TLK1: variants seen among roughly 807,000 people sequenced by gnomAD.
The protein encoded by TLK1 is serine/threonine-protein kinase tousled-like 1.
In TLK1, 24 loss-of-function variants were observed where a neutral mutation model predicts 105.3. The ratio of observed to expected loss-of-function variants is 0.23; its 90% CI spans 0.17 to 0.32. The LOEUF (loss-of-function observed/expected upper bound fraction) is 0.32, where lower values mean the gene tolerates loss of function less well. Among genes scored for constraint, TLK1 ranks in the 10% least tolerant of loss-of-function variants. The pLI, the probability that TLK1 is intolerant of heterozygous loss-of-function variation, is 1.00. For missense variants in TLK1, 558 were observed against 910.5 expected (o/e 0.61, Z 4.98); for synonymous variants, 321 against 310.4 (o/e 1.03, Z -0.36).
chr2:171,199,711 A>G (rs569298676), intron 1 of TLK1, among the ~76,000 whole-genome samples: 29 of 152,300 alleles, frequency 1.9e-4, no homozygotes, highest in African/African-American at 6.7e-4. Context: ...AAACTTTTCA[A>G]TTATGGAGGA....
intron 18 of TLK1, among the ~76,000 whole-genome samples, chr2:170,998,778 A>AT (rs1327332294): frequency 6.6e-6 from 1 of 151,958 alleles, no homozygotes; most frequent in South Asian, 2.1e-4. Context: ...TAAGTTCATA[A>AT]TTTTTTTTGA....
Position 171,215,814 on chromosome 2 carries a change from G to T in TLK1, c.-6+15331C>A, listed in dbSNP as rs528402829. On this transcript the variant is annotated intron_variant, in intron 1 of 20. Transcript: ENST00000521943. ...GGAAGTTCGGTTCCTCTTAGAAGGAGGCCCCAGCGGGTACATGCACGCGGT... is the reference window on the plus strand; with the variant it reads ...GGAAGTTCGGTTCCTCTTAGAAGGATGCCCCAGCGGGTACATGCACGCGGT... Among the ~76,000 whole-genome samples, 24 of 152,290 alleles carry T rather than the reference G, an allele frequency of 1.6e-4. 1 individual carries two copies. In the South Asian group the frequency reaches 4.6e-3, roughly 29 times the overall value.
intron 1 of TLK1, among the ~76,000 whole-genome samples, chr2:171,148,400 T>A (rs542143586): frequency 1.3e-4 from 19 of 151,890 alleles, no homozygotes; most frequent in African/African-American, 4.6e-4. Flanking sequence ...TTCAATCACT[T>A]CTCATCTGCG....
rs563309712 is a variant in TLK1, at chr2:171,044,410, G to A, written c.1169+1764C>T. ...TGTGTGTGTAAAGACAGACTGAATC[G>A]GAAAGATAACAGTAAATACAAGGTT... On this transcript the variant is annotated intron_variant, in intron 11 of 20. Transcript: ENST00000431350. Among the ~76,000 whole-genome samples the A allele has an allele frequency of 2.6e-5, 4 of 152,234 alleles. No homozygotes were observed. The South Asian group carries it at 6.2e-4, about 24-fold the overall frequency.
intron 1 of TLK1, among the ~76,000 whole-genome samples, chr2:171,173,224 A>G (rs879580975): frequency 6.6e-6 from 1 of 152,234 alleles, no homozygotes; most frequent in African/African-American, 2.4e-5. Context: ...TATTATTATA[A>G]CTAAGGAAAT....
intron 1 of TLK1, among the ~76,000 whole-genome samples, chr2:171,191,862 G>A (rs1458370211): frequency 6.6e-6 from 1 of 152,058 alleles, no homozygotes; most frequent in Admixed American, 6.5e-5. Flanking sequence ...ATTCTTTGAT[G>A]TAATAAATTG....
chr2:171,020,548 G>C (rs1275914952), intron 12 of TLK1, among the ~76,000 whole-genome samples: 1 of 143,668 alleles, frequency 7.0e-6, no homozygotes, highest in Non-Finnish European at 1.5e-5. Context: ...AAAAAAAAAA[G>C]AAAAAAAGAA....
chr2:171,221,664 G>A (rs1693812443), intron 1 of TLK1, among the ~76,000 whole-genome samples: 2 of 152,134 alleles, frequency 1.3e-5, no homozygotes, highest in African/African-American at 4.8e-5. Flanking sequence ...CACAGTTCTA[G>A]GGGCTGGAAA....
At chr2:171,030,857 T>C (rs1238516425) in intron 11 of TLK1, among the ~76,000 whole-genome samples, 1 of 152,154 alleles carries the variant, frequency 6.6e-6, no homozygotes, top group Non-Finnish European at 1.5e-5. Context: ...TTACTTGAAA[T>C]TTTTGTCCTA....
At chr2:171,156,770 C>T (rs1190912583) in intron 1 of TLK1, among the ~76,000 whole-genome samples, 2 of 152,184 alleles carry the variant, frequency 1.3e-5, no homozygotes, top group East Asian at 3.8e-4. Flanking sequence ...TACTTTAATT[C>T]TTCTAAGGAA....
At chr2:171,054,102 C>G (rs945726477) in intron 7 of TLK1, 24 of 310,852 alleles carry the variant, frequency 7.7e-5, no homozygotes, top group Admixed American at 5.0e-4. Context: ...TTCAATATAT[C>G]CGCTGCTTTG....
chr2:171,153,173 C>T (rs1437770448), intron 1 of TLK1, among the ~76,000 whole-genome samples: 2 of 152,150 alleles, frequency 1.3e-5, no homozygotes, highest in Non-Finnish European at 2.9e-5. Flanking sequence ...GATTAAAATA[C>T]ACCAACTTGG....
intron 1 of TLK1, among the ~76,000 whole-genome samples, chr2:171,120,336 C>CACAATCAACAGAGTGAGACG (rs1242012983): frequency 3.4e-5 from 5 of 146,616 alleles, no homozygotes; most frequent in Non-Finnish European, 6.0e-5. Flanking sequence ...CCTAAAAGGA[C>CACAATCAACAGAGTGAGACG]ACAATCAACA....
chr2:171,163,762 G>A (rs1301844344), upstream of TLK1, among the ~76,000 whole-genome samples: 2 of 145,446 alleles, frequency 1.4e-5, no homozygotes, highest in African/African-American at 2.6e-5. Context: ...TTTTTTAATT[G>A]TCACCCAGGC....
intron 1 of TLK1, among the ~76,000 whole-genome samples, chr2:171,173,285 A>G (rs1692762404): frequency 6.6e-6 from 1 of 152,220 alleles, no homozygotes; most frequent in African/African-American, 2.4e-5. Context: ...AATGATATAT[A>G]TGCAACTTTC....
chr2:171,130,442 G>C (rs1394018052), intron 1 of TLK1, among the ~76,000 whole-genome samples: 1 of 152,112 alleles, frequency 6.6e-6, no homozygotes, highest in Non-Finnish European at 1.5e-5. Flanking sequence ...CCATCACAGG[G>C]TTGTTCACAG....
intron 1 of TLK1, among the ~76,000 whole-genome samples, chr2:171,147,543 A>C (rs1691838310): frequency 6.6e-6 from 1 of 152,150 alleles, no homozygotes; most frequent in African/African-American, 2.4e-5. Context: ...CACCTGGCTT[A>C]TGTTTTAACT....
intron 18 of TLK1, among the ~76,000 whole-genome samples, chr2:171,000,202 C>T (rs1358224359): frequency 1.3e-5 from 2 of 151,866 alleles, no homozygotes; most frequent in East Asian, 1.9e-4. Flanking sequence ...ATGGTGAAAC[C>T]CTGTCTCTAC....
upstream of TLK1, among the ~76,000 whole-genome samples, chr2:171,164,338 C>A (rs181232329): frequency 6.6e-6 from 1 of 152,280 alleles, no homozygotes; most frequent in Non-Finnish European, 1.5e-5. Flanking sequence ...AACATTTTCA[C>A]ACTATAGTAA....
Sources: allele counts gnomAD v4.1 joint callset (sites outside exome capture counted in the v4.1 genomes callset), GRCh38; gene constraint gnomAD v4.1.1; transcripts MANE v1.5; gene names NCBI Gene and HGNC (gene_info 2026-07-23, HGNC 2026-07-21).